The following DPM1 variants were observed in gnomAD, a reference collection of about 807,000 sequenced individuals.
DPM1 encodes the protein dolichyl-phosphate mannosyltransferase subunit 1, catalytic, also known as dolichol-phosphate mannosyltransferase subunit 1.
DPM1 carries 27 observed loss-of-function variants against 39.0 expected under a neutral mutation model. The observed-to-expected ratio is 0.69, with a 90% CI of 0.51 to 0.95. The LOEUF (loss-of-function observed/expected upper bound fraction) is 0.95. Among genes scored for constraint, DPM1 ranks in the 40% least tolerant of loss-of-function variants. The probability of loss-of-function intolerance (pLI) is 0.00; values close to 1 mark genes in which losing one functional copy is unlikely to be tolerated. For synonymous variants in DPM1, 124 were observed against 109.0 expected (o/e 1.14, Z -0.86); for missense variants, 307 against 315.6 (o/e 0.97, Z 0.21).
chr20:50,936,204 C>T lies in DPM1; in HGVS notation c.622G>A (p.Val208Ile), dbSNP rs938379512. 8.1e-6 allele frequency: 13 copies of T among 1,613,622 alleles called. No homozygotes were observed. Among genetic ancestry groups the T allele is most frequent in the African/African-American group, 1.3e-5 (1 of 74,928 alleles). ...LIEKCVSKGY[V>I]FQMEMIVRAR... ...CGAACAATCATCTCCATCTGGAAGA[C>T]GTAGCCTTTAGAAACACATTTTTCT... is the stretch of plus-strand genomic sequence containing the variant. The change falls in exon 8 of 9, where the codon GTC (valine) becomes ATC (isoleucine). Residue 208 changes from valine to isoleucine, a missense_variant. Physicochemically the swap from Val to Ile is conservative, Grantham distance 29. Around this residue, in one of 3 missense-constraint regions of DPM1, gnomAD observed 70 missense variants for 69.4 expected, o/e 1.01. Transcript: ENST00000371588.
chr20:50,954,082 T>C (rs1024854708), intron 2 of DPM1, among the ~76,000 whole-genome samples: 37 of 152,214 alleles, frequency 2.4e-4, no homozygotes, highest in Admixed American at 2.4e-3. Context: ...TTTAAACTCT[T>C]GCCACCAAGA....
At chr20:50,956,114 C>A (rs1424763021) in intron 1 of DPM1, among the ~76,000 whole-genome samples, 1 of 151,954 alleles carries the variant, frequency 6.6e-6, no homozygotes, top group African/African-American at 2.4e-5. Flanking sequence ...TGCCTATTAC[C>A]TCACATTATC....
chr20:50,952,910 A>G (rs1339791312), intron 2 of DPM1, among the ~76,000 whole-genome samples: 1 of 152,252 alleles, frequency 6.6e-6, no homozygotes, highest in Non-Finnish European at 1.5e-5. Flanking sequence ...ATCATATTAT[A>G]TAGTTGAAAT....
At chr20:50,947,464 G>A (rs78164404) in intron 3 of DPM1, among the ~76,000 whole-genome samples, 1 of 152,198 alleles carries the variant, frequency 6.6e-6, no homozygotes, top group Non-Finnish European at 1.5e-5. Context: ...CAGATACTGA[G>A]AACATTTGAT....
intron 3 of DPM1, among the ~76,000 whole-genome samples, chr20:50,946,608 G>A (rs1246084703): frequency 1.3e-5 from 2 of 152,210 alleles, no homozygotes; most frequent in Non-Finnish European, 2.9e-5. Context: ...TGGGGCCAAA[G>A]GCCTAGGTGA....
chr20:50,943,077 GA>G (rs1236692661), intron 5 of DPM1, among the ~76,000 whole-genome samples: 1 of 152,036 alleles, frequency 6.6e-6, no homozygotes, highest in Non-Finnish European at 1.5e-5. Context: ...TCTGGAGGCT[GA>G]GGCAGGAGAA....
At chr20:50,955,702 T>A (rs1986790372) in intron 1 of DPM1, among the ~76,000 whole-genome samples, 1 of 152,180 alleles carries the variant, frequency 6.6e-6, no homozygotes, top group Non-Finnish European at 1.5e-5. Context: ...TAGCTGGGAC[T>A]ACAGGCGCCC....
At chr20:50,949,871 CT>C (rs1986488403) in intron 2 of DPM1, among the ~76,000 whole-genome samples, 1 of 151,300 alleles carries the variant, frequency 6.6e-6, no homozygotes, top group Non-Finnish European at 1.5e-5. Context: ...CAAGTCAAGT[CT>C]TTTGTGGGAA....
Position 50,955,694 on chromosome 20 carries a change from G to C in DPM1, c.162-409C>G, listed in dbSNP as rs550291425. ...TTCTCCTGCCTCAGCCTCCGGAGTA[G>C]CTGGGACTACAGGCGCCCACCACCA... On this transcript the variant is annotated intron_variant, in intron 1 of 8. Transcript: ENST00000371588. Among the ~76,000 whole-genome samples, 29 of 152,256 alleles carry C rather than the reference G, an allele frequency of 1.9e-4. No individual in the cohort carries two copies. In the East Asian group the frequency reaches 5.6e-3, roughly 29 times the overall value.
rs759543832 is a variant in DPM1, at chr20:50,945,730, T to C, written c.398+7A>G. The C allele has an allele frequency of 5.8e-6, 9 of 1,553,076 alleles. No homozygotes were observed. The highest frequency in any genetic ancestry group is 8.0e-6 in the Non-Finnish European group (9 of 1,125,914). On this transcript the variant is annotated splice_region_variant and intron_variant, in intron 5 of 8. Coordinates refer to ENST00000371588, the MANE Select transcript of DPM1 (RefSeq NM_003859.3). ...TATTTCTTTCAAATATTAGAAATAG[T>C]ACCTACCTAATAAATTCAGGAATAA... is the stretch of plus-strand genomic sequence containing the variant.
At chr20:50,951,799 T>A (rs7267115) in intron 2 of DPM1, among the ~76,000 whole-genome samples, 9,462 of 143,450 alleles carry the variant, frequency 0.066, 447 homozygotes, top group African/African-American at 0.14. Flanking sequence ...AAAAAAAAAA[T>A]AAATAAATAA....
intron 5 of DPM1, 120 bp from the exon 6 acceptor site, chr20:50,942,246 G>T: frequency 2.3e-6 from 2 of 876,940 alleles, no homozygotes. Context: ...AGTGGCTCAC[G>T]CCTGCAATCC....
chr20:50,935,261 G>A (rs757929361), intron 8 of DPM1, 25 bp from the exon 9 acceptor site: 24 of 1,387,542 alleles, frequency 1.7e-5, no homozygotes, highest in Middle Eastern at 1.9e-4. Flanking sequence ...AAAAAGTAAC[G>A]TTAGTCTTTA....
chr20:50,945,282 TGTTGTGTGTGTGTGTGTGTG>T (rs1175181526), intron 5 of DPM1: 9 of 104,218 alleles, frequency 8.6e-5, no homozygotes, highest in Non-Finnish European at 1.5e-4. Flanking sequence ...CTCAAATGTG[TGTTGTGTGTGTGTGTGTGTG>T]TGTGTGTGTG....
chr20:50,946,053 T>C (rs1986265442), intron 3 of DPM1, 130 bp from the exon 4 acceptor site: 1 of 805,868 alleles, frequency 1.2e-6, no homozygotes, highest in Non-Finnish European at 2.1e-6. Flanking sequence ...AATAAATTGG[T>C]ATTTTTCACC....
intron 1 of DPM1, among the ~76,000 whole-genome samples, chr20:50,956,568 A>G (rs554899446): frequency 6.6e-6 from 1 of 152,236 alleles, no homozygotes; most frequent in East Asian, 1.9e-4. Context: ...AGAAACAAAT[A>G]CAAGAAAATC....
intron 7 of DPM1, among the ~76,000 whole-genome samples, chr20:50,938,010 G>T (rs886641408): frequency 6.6e-6 from 1 of 152,074 alleles, no homozygotes; most frequent in Non-Finnish European, 1.5e-5. Flanking sequence ...ATTAGGCTAT[G>T]AAATATTTCC....
At chr20:50,950,871 AAAACAAACAAAC>A (rs138746394) in intron 2 of DPM1, among the ~76,000 whole-genome samples, 9 of 151,884 alleles carry the variant, frequency 5.9e-5, no homozygotes, top group Admixed American at 1.3e-4. Flanking sequence ...TCCGTCTCAA[AAAACAAACAAAC>A]AAACAAACAA....
At chr20:50,958,534 A>T (rs1568777677), upstream of DPM1, 1 of 1,613,122 alleles carries the variant, frequency 6.2e-7, no homozygotes, top group Non-Finnish European at 8.5e-7. Flanking sequence ...GGCGGAACTG[A>T]GCCAGATGCC....
Sources: gnomAD v4.1 joint callset for allele counts (sites outside exome capture counted in the v4.1 genomes callset) on GRCh38, gnomAD v4.1.1 for gene constraint, gnomAD v4.1.1 regional missense constraint, MANE v1.5 for transcripts, NCBI Gene and HGNC (gene_info 2026-07-23, HGNC 2026-07-21) for gene names.